Variants in UNC13C observed in about 807,000 individuals in gnomAD.
UNC13C encodes the protein unc-13 homolog C, also known as protein unc-13 homolog C.
In UNC13C, 174 loss-of-function variants were observed where a neutral mutation model predicts 245.4. The ratio of observed to expected loss-of-function variants is 0.71; its 90% CI spans 0.63 to 0.80. The LOEUF (loss-of-function observed/expected upper bound fraction) is 0.80. Ranked by LOEUF, UNC13C falls within the 30% of genes least tolerant of loss-of-function variation. The pLI, the probability that UNC13C is intolerant of heterozygous loss-of-function variation, is 0.00. For missense variants in UNC13C, 2,829 were observed against 2,602.9 expected, an observed-to-expected ratio of 1.09 and a Z score of -1.89; for synonymous variants, 992 against 895.1, an observed-to-expected ratio of 1.11 and a Z score of -1.93.
chr15:54,301,848 C>T (rs544615638), intron 13 of UNC13C, among the ~76,000 whole-genome samples: 14 of 152,140 alleles, frequency 9.2e-5, no homozygotes, highest in Admixed American at 7.2e-4. Context: ...GTTCTAGATC[C>T]TTGAGGAATC....
At chr15:53,981,797 T>A (rs1002106206) in intron 1 of UNC13C, among the ~76,000 whole-genome samples, 2 of 152,040 alleles carry the variant, frequency 1.3e-5, no homozygotes, top group Admixed American at 6.6e-5. Context: ...AACCTCTAGG[T>A]CAAAAGTCCC....
intron 1 of UNC13C, among the ~76,000 whole-genome samples, chr15:53,989,771 T>C (rs967317341): frequency 1.3e-5 from 2 of 152,030 alleles, no homozygotes; most frequent in African/African-American, 2.4e-5. Context: ...AATGTATAAT[T>C]GCACTTTTCT....
chr15:54,280,886 C>T (rs1043356782), intron 10 of UNC13C, among the ~76,000 whole-genome samples: 4 of 151,700 alleles, frequency 2.6e-5, no homozygotes, highest in African/African-American at 4.8e-5. Context: ...GAACCTCTGC[C>T]TCCCAGGCTC....
chr15:54,474,471 A>ATT (rs34724594), intron 19 of UNC13C, among the ~76,000 whole-genome samples: 74 of 151,344 alleles, frequency 4.9e-4, no homozygotes, highest in Middle Eastern at 3.4e-3. Context: ...TTTGTATGTC[A>ATT]TTTTTTTTGA....
At chr15:54,294,136 T>G in intron 11 of UNC13C, 72 bp downstream of exon 11, 4 of 1,287,078 alleles carry the variant, frequency 3.1e-6, no homozygotes, top group Non-Finnish European at 4.1e-6. Flanking sequence ...TGTATTACAT[T>G]CCCATATAAG....
intron 13 of UNC13C, 145 bp downstream of exon 13, chr15:54,300,518 C>T (rs1596173803): frequency 5.1e-6 from 4 of 779,152 alleles, no homozygotes; most frequent in East Asian, 2.8e-5. Context: ...TGACTACTCT[C>T]TCTTACAGCT....
chr15:54,310,729 C>T (rs972705477), intron 13 of UNC13C, among the ~76,000 whole-genome samples: 2 of 148,010 alleles, frequency 1.4e-5, no homozygotes, highest in Admixed American at 6.9e-5. Flanking sequence ...CCTTTTATCC[C>T]GCCTCATTTT....
At chr15:54,030,363 C>T (rs964764013) in intron 2 of UNC13C, among the ~76,000 whole-genome samples, 5 of 152,164 alleles carry the variant, frequency 3.3e-5, no homozygotes, top group African/African-American at 1.2e-4. Flanking sequence ...CCTGCCCCTG[C>T]GGTTAGTTGT....
At position 54,131,918 on chromosome 15, in the gene UNC13C, A is replaced by G. The variant is rs140257002; in HGVS notation, c.2984-11100A>G. ...AGGAATACCTTCACACATCAACAAA[A>G]CCCACTCCTCTCCCGAATGAGTCCT... On this transcript the variant is annotated intron_variant, in intron 2 of 32. Transcript: ENST00000260323. 2.8e-4 allele frequency among the ~76,000 whole-genome samples: 43 copies of G among 151,692 alleles called. 1 individual carries two copies. Among genetic ancestry groups the G allele is most frequent in the African/African-American group, 1.0e-3 (43 of 41,340 alleles).
At chr15:54,480,417 T>C (rs1178749821) in intron 19 of UNC13C, among the ~76,000 whole-genome samples, 1 of 19,358 alleles carries the variant, frequency 5.2e-5, no homozygotes, top group African/African-American at 2.0e-4. Context: ...TTTTTTACTC[T>C]TTTTTTTTTT....
At chr15:53,969,463 T>C in the UNC13C span, among the ~76,000 whole-genome samples, 30 of 151,960 alleles carry the variant, frequency 2.0e-4, no homozygotes, top group Admixed American at 1.2e-3. Flanking sequence ...CAGGAGGATT[T>C]CTTAAGGGCA....
At chr15:54,319,553 C>T (rs1438157449) in intron 13 of UNC13C, among the ~76,000 whole-genome samples, 2 of 151,840 alleles carry the variant, frequency 1.3e-5, no homozygotes, top group East Asian at 1.9e-4. Flanking sequence ...CTTAAAGATG[C>T]ACCTTTAAAG....
chr15:54,275,224 T>C (rs1375666657), intron 10 of UNC13C, among the ~76,000 whole-genome samples: 5 of 152,204 alleles, frequency 3.3e-5, no homozygotes, highest in East Asian at 1.9e-4. Context: ...GTTATACTAC[T>C]CGTAGGTAGG....
At chr15:54,629,621 A>G (rs1901404429), downstream of UNC13C, 3 of 152,218 alleles carry the variant, frequency 2.0e-5, no homozygotes, top group South Asian at 6.2e-4. Context: ...CTCACATGAT[A>G]AAAGTTTTCA....
chr15:54,152,565 G>T (rs2032567062), intron 4 of UNC13C, among the ~76,000 whole-genome samples: 1 of 152,116 alleles, frequency 6.6e-6, no homozygotes, highest in African/African-American at 2.4e-5. Context: ...TCTTGAGTTT[G>T]AAGAGTAGCA....
intron 30 of UNC13C, among the ~76,000 whole-genome samples, chr15:54,593,273 T>C (rs1315303563): frequency 6.6e-6 from 1 of 152,248 alleles, no homozygotes; most frequent in Non-Finnish European, 1.5e-5. Context: ...GATAACTTGA[T>C]GGCCATGTGC....
the UNC13C span, among the ~76,000 whole-genome samples, chr15:53,946,818 A>G: frequency 6.6e-6 from 1 of 151,900 alleles, no homozygotes; most frequent in African/African-American, 2.4e-5. Context: ...CAGATGTTGA[A>G]CCAACCTTGT....
chr15:54,277,739 A>C (rs530846519), intron 10 of UNC13C, among the ~76,000 whole-genome samples: 1 of 152,346 alleles, frequency 6.6e-6, no homozygotes, highest in Non-Finnish European at 1.5e-5. Flanking sequence ...TCCAAGGATG[A>C]ATTAAAACAA....
the UNC13C span, among the ~76,000 whole-genome samples, chr15:53,863,033 G>T: frequency 3.0e-3 from 459 of 152,250 alleles, 3 homozygotes; most frequent in African/African-American, 0.011. Context: ...GGAGACTGTA[G>T]GTATGATTCA....
Sources: gnomAD v4.1 joint callset for allele counts (sites outside exome capture counted in the v4.1 genomes callset) on GRCh38, gnomAD v4.1.1 for gene constraint, MANE v1.5 for transcripts, NCBI Gene and HGNC (gene_info 2026-07-23, HGNC 2026-07-21) for gene names.